ASIC2: variants seen among roughly 807,000 people sequenced by gnomAD.
The protein encoded by ASIC2 is acid-sensing ion channel 2.
A neutral mutation model predicts 57.3 loss-of-function variants in ASIC2; 25 were observed. That is an observed-to-expected ratio of 0.44 (90% confidence interval 0.32 to 0.61). ASIC2 has a LOEUF of 0.61. Among genes scored for constraint, ASIC2 ranks in the 20% least tolerant of loss-of-function variants. The pLI is 0.06. For missense variants in ASIC2, 641 were observed against 738.1 expected (o/e 0.87, Z 1.52); for synonymous variants, 319 against 307.5 (o/e 1.04, Z -0.39).
At chr17:34,122,828 T>G (rs1330370401) in intron 1 of ASIC2, among the ~76,000 whole-genome samples, 1 of 152,216 alleles carries the variant, frequency 6.6e-6, no homozygotes, top group Non-Finnish European at 1.5e-5. Flanking sequence ...GCAGCGCTCC[T>G]GACACCACCC....
chr17:33,304,084 C>T (rs1045299189), intron 1 of ASIC2, among the ~76,000 whole-genome samples: 4 of 152,192 alleles, frequency 2.6e-5, no homozygotes, highest in Non-Finnish European at 4.4e-5. Context: ...AAACATTTCA[C>T]AGGTCCAGTA....
intron 1 of ASIC2, among the ~76,000 whole-genome samples, chr17:33,422,694 G>T (rs1184557174): frequency 1.3e-5 from 2 of 152,172 alleles, no homozygotes; most frequent in Non-Finnish European, 2.9e-5. Context: ...AACACAGAGA[G>T]ACTTAATCCT....
At chr17:34,112,227 C>T (rs1911298501) in intron 1 of ASIC2, among the ~76,000 whole-genome samples, 1 of 152,042 alleles carries the variant, frequency 6.6e-6, no homozygotes, top group Non-Finnish European at 1.5e-5. Context: ...ATCTCTGAGC[C>T]TCAGTCTTTT....
At chr17:33,576,316 A>G (rs568974493) in intron 1 of ASIC2, among the ~76,000 whole-genome samples, 165 of 152,298 alleles carry the variant, frequency 1.1e-3, no homozygotes, top group African/African-American at 3.7e-3. Flanking sequence ...AGCCATTTTC[A>G]GCTCTATGAC....
chr17:33,390,257 G>A (rs1049448871), intron 1 of ASIC2, among the ~76,000 whole-genome samples: 1 of 151,946 alleles, frequency 6.6e-6, no homozygotes, highest in African/African-American at 2.4e-5. Flanking sequence ...AGGTTGCAGT[G>A]AGCTGAGATC....
chr17:33,640,080 T>C, intron 1 of ASIC2, among the ~76,000 whole-genome samples: 1 of 152,132 alleles, frequency 6.6e-6, no homozygotes, highest in East Asian at 1.9e-4. Context: ...TCCTGGCCTC[T>C]TTCTTGAGGA....
chr17:33,896,724 C>T (rs1915108939), intron 1 of ASIC2, among the ~76,000 whole-genome samples: 1 of 152,232 alleles, frequency 6.6e-6, no homozygotes, highest in African/African-American at 2.4e-5. Flanking sequence ...TCTGAATCCT[C>T]TCAGAACCTG....
At chr17:34,110,952 G>A (rs958973185) in intron 1 of ASIC2, among the ~76,000 whole-genome samples, 3 of 152,198 alleles carry the variant, frequency 2.0e-5, no homozygotes, top group South Asian at 2.1e-4. Flanking sequence ...AGCCAGACAC[G>A]GTGGCTCATG....
At chr17:33,622,707 A>G (rs1268982055) in intron 1 of ASIC2, among the ~76,000 whole-genome samples, 2 of 152,250 alleles carry the variant, frequency 1.3e-5, no homozygotes, top group Non-Finnish European at 2.9e-5. Context: ...GGAATAACCT[A>G]TATAAAAATG....
At chr17:33,516,272 G>C (rs1166861080) in intron 1 of ASIC2, among the ~76,000 whole-genome samples, 1 of 152,164 alleles carries the variant, frequency 6.6e-6, no homozygotes, top group African/African-American at 2.4e-5. Flanking sequence ...CACACAACCA[G>C]AACGTGCAGT....
chr17:33,662,601 T>C (rs920514084), intron 1 of ASIC2, among the ~76,000 whole-genome samples: 21 of 150,306 alleles, frequency 1.4e-4, no homozygotes, highest in South Asian at 6.3e-4. Flanking sequence ...CCAGCCTGGG[T>C]GACAAAGCAA....
At chr17:33,959,684 C>T (rs1331874356) in intron 1 of ASIC2, among the ~76,000 whole-genome samples, 1 of 152,240 alleles carries the variant, frequency 6.6e-6, no homozygotes, top group African/African-American at 2.4e-5. Flanking sequence ...GTCCTTCCAG[C>T]TTCTTCCTGC....
At chr17:33,888,879 C>T (rs1914893843) in intron 1 of ASIC2, among the ~76,000 whole-genome samples, 1 of 152,102 alleles carries the variant, frequency 6.6e-6, no homozygotes, top group Admixed American at 6.5e-5. Flanking sequence ...TTCTCTCCCA[C>T]AATCGGTCCA....
chr17:33,964,518 C>A (rs1205566013), intron 1 of ASIC2, among the ~76,000 whole-genome samples: 2 of 152,226 alleles, frequency 1.3e-5, no homozygotes, highest in African/African-American at 4.8e-5. Flanking sequence ...CCTTTCACAC[C>A]ACAAGGTGGC....
chr17:33,983,637 A>T (rs1185270448), intron 1 of ASIC2, among the ~76,000 whole-genome samples: 1 of 152,156 alleles, frequency 6.6e-6, no homozygotes, highest in Non-Finnish European at 1.5e-5. Flanking sequence ...GGAGGAAGTT[A>T]GGCGTGCAAA....
chr17:33,878,249 C>T (rs1914603956), intron 1 of ASIC2, among the ~76,000 whole-genome samples: 1 of 152,196 alleles, frequency 6.6e-6, no homozygotes, highest in Non-Finnish European at 1.5e-5. Context: ...CAGAACAAAG[C>T]TGGATGGAGA....
At chr17:33,040,973 G>A (rs1057267905) in intron 3 of ASIC2, among the ~76,000 whole-genome samples, 1 of 152,116 alleles carries the variant, frequency 6.6e-6, no homozygotes, top group Admixed American at 6.6e-5. Context: ...CCTAGGATGC[G>A]TCAGGCACAG....
chr17:33,040,930 G>A (rs2091927535), intron 3 of ASIC2, among the ~76,000 whole-genome samples: 1 of 152,122 alleles, frequency 6.6e-6, no homozygotes, highest in Non-Finnish European at 1.5e-5. Flanking sequence ...CAGCTGAGTG[G>A]TCCAACCTAA....
intron 1 of ASIC2, among the ~76,000 whole-genome samples, chr17:33,710,972 G>T (rs1468833775): frequency 7.2e-6 from 1 of 139,014 alleles, no homozygotes; most frequent in Non-Finnish European, 1.5e-5. Context: ...TTTGAGACAG[G>T]GTCTTGCTCT....
Sources: allele counts gnomAD v4.1 joint callset (sites outside exome capture counted in the v4.1 genomes callset), GRCh38; gene constraint gnomAD v4.1.1; transcripts MANE v1.5; gene names NCBI Gene and HGNC (gene_info 2026-07-23, HGNC 2026-07-21).